Variants in MCCC1 observed in about 807,000 individuals in gnomAD.
The protein encoded by MCCC1 is methylcrotonyl-CoA carboxylase subunit 1.
MCCC1 carries 64 observed loss-of-function variants against 83.8 expected under a neutral mutation model. The observed-to-expected ratio is 0.76, with a 90% CI of 0.62 to 0.94. The LOEUF is 0.94. Ranked by LOEUF, MCCC1 falls within the 40% of genes least tolerant of loss-of-function variation. The pLI is 0.00. For missense variants in MCCC1, 807 were observed against 904.7 expected (o/e 0.89, Z 1.39); for synonymous variants, 322 against 315.4 (o/e 1.02, Z -0.22).
intron 1 of MCCC1, among the ~76,000 whole-genome samples, chr3:183,096,925 TG>T (rs1718778344): frequency 2.0e-5 from 3 of 152,210 alleles, no homozygotes; most frequent in African/African-American, 7.2e-5. Flanking sequence ...AATGGTTGCT[TG>T]TTGGTAAAGC....
At chr3:183,034,940 G>A (rs115825931) in intron 13 of MCCC1, among the ~76,000 whole-genome samples, 4,112 of 152,106 alleles carry the variant, frequency 0.027, 204 homozygotes, top group African/African-American at 0.095. Context: ...ACCACAGCTG[G>A]CTAACTTTTC....
intron 1 of MCCC1, among the ~76,000 whole-genome samples, chr3:183,114,527 G>T (rs1458325644): frequency 6.6e-6 from 1 of 152,130 alleles, no homozygotes; most frequent in Non-Finnish European, 1.5e-5. Flanking sequence ...CAGAACTGAT[G>T]GCTTGCTCGG....
chr3:183,019,360 G>A (rs574064787), intron 17 of MCCC1, among the ~76,000 whole-genome samples: 1 of 152,300 alleles, frequency 6.6e-6, no homozygotes, highest in Non-Finnish European at 1.5e-5. Context: ...CCAGGATGAT[G>A]GTATTTGGAG....
At chr3:183,029,273 C>T (rs1214157122) in intron 14 of MCCC1, 1 of 152,198 alleles carries the variant, frequency 6.6e-6, no homozygotes, top group African/African-American at 2.4e-5. Flanking sequence ...ATGCTGCCAG[C>T]TCAAATCTGT....
At chr3:183,039,323 G>A (rs574622468) in intron 11 of MCCC1, among the ~76,000 whole-genome samples, 188 bp from the exon 12 acceptor site, 2 of 152,108 alleles carry the variant, frequency 1.3e-5, no homozygotes, top group African/African-American at 2.4e-5. Flanking sequence ...CAGGTGTAAC[G>A]AGGTGGGCCA....
At chr3:183,054,477 G>A (rs550553595) in intron 8 of MCCC1, among the ~76,000 whole-genome samples, 187 of 152,138 alleles carry the variant, frequency 1.2e-3, no homozygotes, top group African/African-American at 4.1e-3. Flanking sequence ...GTGAGCCACC[G>A]CGCCCGGCCT....
At chr3:183,051,736 A>G (rs1019183408) in intron 9 of MCCC1, among the ~76,000 whole-genome samples, 4 of 140,060 alleles carry the variant, frequency 2.9e-5, no homozygotes, top group African/African-American at 5.2e-5. Context: ...GTGCAGGAAT[A>G]TTGATACTGT....
chr3:183,053,753 C>G (rs1715178852), intron 8 of MCCC1, among the ~76,000 whole-genome samples: 1 of 137,218 alleles, frequency 7.3e-6, no homozygotes, highest in South Asian at 2.3e-4. Context: ...TGCAGTGAGC[C>G]AAGACTGCAC....
In MCCC1 at chr3:183,092,485, C is replaced by A. The variant is rs569042803; in HGVS notation, c.197G>T (p.Arg66Leu). The A allele has an allele frequency of 6.2e-7, 1 of 1,614,156 alleles. No individual in the cohort carries two copies. The highest frequency in any genetic ancestry group is 8.5e-7 in the Non-Finnish European group (1 of 1,180,034). ...NRGEIACRVM[R>L]TAKKLGVQTV... ...CTGTACACCCAGTTTTTTGGCTGTGCGCATCACCCTGCAGGCAATTTCTCC... is the reference window on the plus strand; with the variant it reads ...CTGTACACCCAGTTTTTTGGCTGTGAGCATCACCCTGCAGGCAATTTCTCC... Residue 66 changes from arginine (R) to leucine (L), a missense_variant, in exon 3 of 19, where the codon CGC (arginine) becomes CTC (leucine). Physicochemically the swap from Arg to Leu is moderately radical, Grantham distance 102. Coordinates refer to ENST00000265594, the MANE Select transcript of MCCC1 (RefSeq NM_020166.5).
At chr3:183,034,516 GTTC>G (rs1264824162) in intron 13 of MCCC1, among the ~76,000 whole-genome samples, 2 of 143,490 alleles carry the variant, frequency 1.4e-5, no homozygotes, top group African/African-American at 5.1e-5. Context: ...TGCTTTTTTT[GTTC>G]TTCTTGTTAA....
intron 7 of MCCC1, among the ~76,000 whole-genome samples, chr3:183,063,885 G>A (rs545284162): frequency 3.5e-4 from 54 of 152,268 alleles, no homozygotes; most frequent in African/African-American, 1.1e-3. Context: ...TTGGGTAAGC[G>A]GGGTGCATAC....
chr3:183,099,012 C>G (rs761719664), intron 1 of MCCC1: 12 of 477,914 alleles, frequency 2.5e-5, no homozygotes, highest in Non-Finnish European at 4.6e-5. Context: ...ACGCTCCCAC[C>G]TAAGGGGTGC....
chr3:183,056,735 C>G (rs1437976095), intron 8 of MCCC1, among the ~76,000 whole-genome samples: 1 of 152,088 alleles, frequency 6.6e-6, no homozygotes, highest in African/African-American at 2.4e-5. Flanking sequence ...CTCTTGTTGC[C>G]CAGGCTGGAG....
intron 8 of MCCC1, among the ~76,000 whole-genome samples, chr3:183,054,275 T>C (rs1715244197): frequency 6.7e-6 from 1 of 148,594 alleles, no homozygotes; most frequent in Non-Finnish European, 1.5e-5. Context: ...AAGCTCCGCC[T>C]CCCGGGTTCA....
intron 15 of MCCC1, 82 bp from the exon 16 acceptor site, chr3:183,022,636 T>C (rs747478188): frequency 6.6e-6 from 8 of 1,221,126 alleles, no homozygotes; most frequent in Non-Finnish European, 8.2e-6. Flanking sequence ...TTCTTCACTA[T>C]TGGTAGTTTT....
upstream of MCCC1, among the ~76,000 whole-genome samples, chr3:183,101,891 C>CT: frequency 6.6e-6 from 1 of 151,946 alleles, no homozygotes; most frequent in East Asian, 1.9e-4. Context: ...GACACGCTGC[C>CT]TTAAGAGCTG....
chr3:183,110,699 A>C (rs2108586694), intron 1 of MCCC1, among the ~76,000 whole-genome samples: 1 of 152,078 alleles, frequency 6.6e-6, no homozygotes. Flanking sequence ...CGGCCTAGTC[A>C]CAAATTTTTT....
At chr3:183,038,549 T>G (rs1253908415) in intron 12 of MCCC1, among the ~76,000 whole-genome samples, 1 of 152,194 alleles carries the variant, frequency 6.6e-6, no homozygotes, top group South Asian at 2.1e-4. Context: ...AGGAAATTAA[T>G]GTTCTACAGA....
upstream of MCCC1, among the ~76,000 whole-genome samples, chr3:183,101,966 G>A (rs1719317332): frequency 1.3e-5 from 2 of 152,144 alleles, no homozygotes; most frequent in South Asian, 4.2e-4. Flanking sequence ...CCCACCAGAA[G>A]GAAGAAACTC....
Sources: gnomAD v4.1 joint callset for allele counts (sites outside exome capture counted in the v4.1 genomes callset) on GRCh38, gnomAD v4.1.1 for gene constraint, MANE v1.5 for transcripts, NCBI Gene and HGNC (gene_info 2026-07-23, HGNC 2026-07-21) for gene names.